TBCE: variants seen among roughly 807,000 people sequenced by gnomAD.
TBCE encodes tubulin-specific chaperone E.
A neutral mutation model predicts 77.0 loss-of-function variants in TBCE; 53 were observed. The ratio of observed to expected loss-of-function variants is 0.69; its 90% CI spans 0.55 to 0.87. The LOEUF (loss-of-function observed/expected upper bound fraction) is 0.87, where lower values mean the gene tolerates loss of function less well. Ranked by LOEUF, TBCE falls within the 40% of genes least tolerant of loss-of-function variation. TBCE has a pLI of 0.00. For synonymous variants in TBCE, 235 were observed against 241.3 expected (o/e 0.97, Z 0.24); for missense variants, 624 against 622.4 (o/e 1.00, Z -0.03).
chr1:235,386,903 C>T (rs1325762958), intron 2 of TBCE, among the ~76,000 whole-genome samples: 3 of 152,252 alleles, frequency 2.0e-5, no homozygotes, highest in Non-Finnish European at 2.9e-5. Flanking sequence ...AGTTTTTCTG[C>T]TCTGTTTTTT....
At chr1:235,448,593 T>C in intron 16 of TBCE, 77 bp from the exon 17 acceptor site, 2 of 1,400,240 alleles carry the variant, frequency 1.4e-6, no homozygotes, top group Non-Finnish European at 2.0e-6. Flanking sequence ...GGGGACGGGG[T>C]GGGGGAAGAG....
intron 1 of TBCE, among the ~76,000 whole-genome samples, chr1:235,376,716 C>T (rs558093119): frequency 1.3e-5 from 2 of 152,246 alleles, no homozygotes; most frequent in East Asian, 1.9e-4. Context: ...TGGCTCACAC[C>T]TGTAATCCCA....
At chr1:235,387,652 A>T (rs1042288442) in intron 2 of TBCE, among the ~76,000 whole-genome samples, 2 of 152,128 alleles carry the variant, frequency 1.3e-5, no homozygotes, top group Non-Finnish European at 2.9e-5. Flanking sequence ...GCTCATCAGA[A>T]AAGTGCAGTA....
At chr1:235,438,723 GA>G (rs1681624882) in intron 12 of TBCE, 45 bp from the exon 13 acceptor site, 1 of 1,613,742 alleles carries the variant, frequency 6.2e-7, no homozygotes, top group Non-Finnish European at 8.5e-7. Context: ...GGACATGTTA[GA>G]AAAAAGCTTT....
chr1:235,434,335 A>G, intron 8 of TBCE, 55 bp downstream of exon 8: 2 of 1,452,676 alleles, frequency 1.4e-6, no homozygotes, highest in South Asian at 2.3e-5. Context: ...ATTCTGAGTA[A>G]ATAAATGGTC....
chr1:235,385,518 A>G (rs141618017), intron 2 of TBCE, among the ~76,000 whole-genome samples: 8,781 of 152,092 alleles, frequency 0.058, 437 homozygotes, highest in African/African-American at 0.13. Flanking sequence ...GGGTGCATAT[A>G]TATTTAGGAT....
chr1:235,432,682 AGTG>A (rs1259400420), intron 7 of TBCE, among the ~76,000 whole-genome samples: 1 of 152,012 alleles, frequency 6.6e-6, no homozygotes, highest in African/African-American at 2.4e-5. Flanking sequence ...CAGAAATTGA[AGTG>A]GTGGAGATGG....
chr1:235,447,893 TACTTGGGTAAAGTG>T (rs551030877), intron 15 of TBCE, among the ~76,000 whole-genome samples: 4 of 152,116 alleles, frequency 2.6e-5, no homozygotes, highest in African/African-American at 7.2e-5. Context: ...CCTAATTACT[TACTTGGGTAAAGTG>T]ACTTGGGTAA....
intron 1 of TBCE, among the ~76,000 whole-genome samples, chr1:235,368,402 C>A (rs1007220292): frequency 6.6e-6 from 1 of 150,582 alleles, no homozygotes; most frequent in African/African-American, 2.5e-5. Flanking sequence ...TTTTCTCTGG[C>A]ATTAATTTAG....
Position 235,430,497 on chromosome 1 carries a change from CA to C in TBCE, c.561-203del, listed in dbSNP as rs1432949702. ...GAAAGCATCTTTACACAGCTGATAC[CA>C]AAAAGTTGTATGTTGTAAATGTTAA... On this transcript the variant is annotated intron_variant, in intron 6 of 16. Transcript: ENST00000642610. 5.9e-5 allele frequency: 27 copies of C among 455,532 alleles called. No homozygotes were observed. In the East Asian group the frequency reaches 1.2e-3, roughly 20 times the overall value. 28.2% of individuals were successfully genotyped at this position (455,532 alleles called of 1,614,324 possible).
chr1:235,398,655 A>T, intron 2 of TBCE, among the ~76,000 whole-genome samples: 1 of 140,190 alleles, frequency 7.1e-6, no homozygotes. Flanking sequence ...GTCTTACTCC[A>T]TTGCTCAGGC....
At chr1:235,440,390 GTA>G (rs532298040) in intron 13 of TBCE, among the ~76,000 whole-genome samples, 2 of 151,688 alleles carry the variant, frequency 1.3e-5, no homozygotes, top group South Asian at 2.1e-4. Flanking sequence ...TGAGGCATCC[GTA>G]TATATATATA....
chr1:235,368,644 G>A (rs537107770), intron 1 of TBCE, among the ~76,000 whole-genome samples: 1 of 128,002 alleles, frequency 7.8e-6, no homozygotes, highest in African/African-American at 3.0e-5. Context: ...CTGCAACCAC[G>A]CCTCCCAGGT....
At position 235,374,343 on chromosome 1, in the gene TBCE, C is replaced by G. The variant is rs551371482; in HGVS notation, c.-31-5676C>G. Among the ~76,000 whole-genome samples, 25 of 145,828 alleles carry G rather than the reference C, an allele frequency of 1.7e-4. 2 individuals carry two copies. Among genetic ancestry groups the G allele is most frequent in the Non-Finnish European group, 2.6e-4 (17 of 66,642 alleles). ...GAATGTGGCGTTCAGTTCTAGATAT[C>G]GCAATTTAAGCATGGAATCAGTAAA... is the stretch of plus-strand genomic sequence containing the variant. On this transcript the variant is annotated intron_variant, in intron 1 of 16. Coordinates refer to ENST00000642610, the MANE Select transcript of TBCE (RefSeq NM_003193.5).
intron 2 of TBCE, among the ~76,000 whole-genome samples, chr1:235,393,662 T>C (rs1678548272): frequency 6.6e-6 from 1 of 152,304 alleles, no homozygotes; most frequent in African/African-American, 2.4e-5. Flanking sequence ...ACCTGGAGAA[T>C]AGAGTTGACA....
chr1:235,448,674 C>CGGGCA lies in TBCE; in HGVS notation c.1498_1502dup (p.Glu502AlafsTer10). On this transcript the variant is annotated frameshift_variant, in exon 17 of 17. Transcript: ENST00000642610. LOFTEE classifies it high-confidence loss of function. ...CCACCTTCGTTCTAATTTTAGAAGC[C>CGGGCA]GGGCAGAGAAATCGAGCTGGAAAAT... 1.9e-6 allele frequency: 3 copies of CGGGCA among 1,613,368 alleles called. No individual in the cohort carries two copies. The highest frequency in any genetic ancestry group is 2.5e-6 in the Non-Finnish European group (3 of 1,179,506).
intron 3 of TBCE, among the ~76,000 whole-genome samples, chr1:235,407,118 T>C (rs189337366): frequency 2.3e-3 from 337 of 149,544 alleles, no homozygotes; most frequent in African/African-American, 8.1e-3. Flanking sequence ...CGTGAACCAC[T>C]GCACCTGGCC....
chr1:235,437,541 G>A (rs1312027356), intron 12 of TBCE, 67 bp downstream of exon 12: 36 of 1,579,390 alleles, frequency 2.3e-5, no homozygotes, highest in Non-Finnish European at 3.1e-5. Context: ...GCCAGGCGCC[G>A]TGGCTCACAC....
chr1:235,413,432 C>T (rs949091869), intron 3 of TBCE, among the ~76,000 whole-genome samples: 7 of 151,062 alleles, frequency 4.6e-5, no homozygotes, highest in South Asian at 4.2e-4. Flanking sequence ...GAGGTCAAGG[C>T]GGGAGGATCA....
Sources: gnomAD v4.1 joint callset for allele counts (sites outside exome capture counted in the v4.1 genomes callset) on GRCh38, gnomAD v4.1.1 for gene constraint, MANE v1.5 for transcripts, NCBI Gene and HGNC (gene_info 2026-07-23, HGNC 2026-07-21) for gene names.